The following CLSTN2 variants were observed in gnomAD, a reference collection of about 807,000 sequenced individuals.
CLSTN2 encodes the protein calsyntenin 2.
Under a neutral mutation model 101.2 loss-of-function variants are expected in CLSTN2, and 48 were observed. The ratio of observed to expected loss-of-function variants is 0.47; its 90% CI spans 0.38 to 0.60. The LOEUF (loss-of-function observed/expected upper bound fraction) is 0.60. Ranked by LOEUF, CLSTN2 falls within the 20% of genes least tolerant of loss-of-function variation. The probability of loss-of-function intolerance (pLI) is 0.00; values close to 1 mark genes in which losing one functional copy is unlikely to be tolerated. For missense variants in CLSTN2, 1,160 were observed against 1,238.2 expected (o/e 0.94, Z 0.95); for synonymous variants, 481 against 463.6 (o/e 1.04, Z -0.48).
chr3:140,530,069 C>T (rs1559895626), intron 8 of CLSTN2, among the ~76,000 whole-genome samples: 2 of 152,164 alleles, frequency 1.3e-5, no homozygotes, highest in African/African-American at 4.8e-5. Flanking sequence ...CCAGTAATTC[C>T]ATTTCCAGGA....
chr3:140,555,370 G>A (rs961537568), intron 10 of CLSTN2, among the ~76,000 whole-genome samples: 4 of 152,134 alleles, frequency 2.6e-5, no homozygotes, highest in African/African-American at 9.7e-5. Flanking sequence ...ATGTATAAGT[G>A]TCCCACGGGA....
At chr3:140,308,612 C>T (rs1345523298) in intron 2 of CLSTN2, among the ~76,000 whole-genome samples, 3 of 152,196 alleles carry the variant, frequency 2.0e-5, no homozygotes, top group Non-Finnish European at 4.4e-5. Context: ...GATTAGTTGG[C>T]CTTCCCCAAG....
chr3:140,127,928 T>G (rs537434022), intron 1 of CLSTN2, among the ~76,000 whole-genome samples: 1 of 152,286 alleles, frequency 6.6e-6, no homozygotes, highest in South Asian at 2.1e-4. Context: ...TAAATCTAAG[T>G]GCCATCCTTA....
At chr3:139,946,105 G>A (rs1404248826) in intron 1 of CLSTN2, among the ~76,000 whole-genome samples, 1 of 152,190 alleles carries the variant, frequency 6.6e-6, no homozygotes, top group East Asian at 1.9e-4. Flanking sequence ...AGTTGGAAGG[G>A]AGGAGAAATG....
At position 140,566,138 on chromosome 3, in the gene CLSTN2, G is replaced by T. The variant is rs770603742; in HGVS notation, c.2753G>T (p.Gly918Val). 1 of 1,611,768 alleles carries T rather than the reference G, an allele frequency of 6.2e-7. No individual in the cohort carries two copies. The highest frequency in any genetic ancestry group is 8.5e-7 in the Non-Finnish European group (1 of 1,177,934). ...EAEEEMSSSSGSDDSEEEEEE... is the reference protein window; with the variant it reads ...EAEEEMSSSSVSDDSEEEEEE... The stretch of plus-strand genomic sequence containing the variant: ...GAGGAAGAAATGAGCTCCAGCAGTG[G>T]CTCTGACGACAGCGAAGAGGAGGAG... Residue 918 changes from glycine to valine, a missense_variant, in exon 17 of 17, where the codon GGC (glycine) becomes GTC (valine). Coordinates refer to ENST00000458420, the MANE Select transcript of CLSTN2 (RefSeq NM_022131.3).
chr3:140,424,053 G>T (rs2088534951), intron 5 of CLSTN2, among the ~76,000 whole-genome samples: 1 of 152,208 alleles, frequency 6.6e-6, no homozygotes, highest in Non-Finnish European at 1.5e-5. Context: ...TTGTTTGAGT[G>T]TTCAATTTCC....
At chr3:140,244,884 A>G (rs901796514) in intron 2 of CLSTN2, among the ~76,000 whole-genome samples, 15 of 152,224 alleles carry the variant, frequency 9.9e-5, no homozygotes, top group Non-Finnish European at 1.9e-4. Flanking sequence ...TTAAAGTTCT[A>G]TAGCTTATTA....
Position 140,174,865 on chromosome 3 carries a change from T to G in CLSTN2, c.110-1086T>G, listed in dbSNP as rs142038403. Among the ~76,000 whole-genome samples the G allele has an allele frequency of 3.9e-3, 596 of 152,290 alleles. 3 individuals carry two copies. Among genetic ancestry groups the G allele is most frequent in the Non-Finnish European group, 5.5e-3 (373 of 68,026 alleles). ...GAGCCAAACCATATCACTGGGAATC[T>G]GGGAACAAAAACTTATTGTCTCACG... On this transcript the variant is annotated intron_variant, in intron 1 of 16. Coordinates refer to ENST00000458420, the MANE Select transcript of CLSTN2 (RefSeq NM_022131.3).
At chr3:140,034,565 C>A (rs767101428) in intron 1 of CLSTN2, among the ~76,000 whole-genome samples, 9 of 152,220 alleles carry the variant, frequency 5.9e-5, no homozygotes, top group Non-Finnish European at 1.0e-4. Flanking sequence ...CTGAGCCTGG[C>A]CTTACATGGC....
chr3:140,524,171 C>A (rs1935090072), intron 8 of CLSTN2, among the ~76,000 whole-genome samples: 1 of 152,190 alleles, frequency 6.6e-6, no homozygotes, highest in Admixed American at 6.5e-5. Flanking sequence ...CCAGGGATCA[C>A]AGGAGAGGGA....
At chr3:139,943,723 A>T (rs1183919383) in intron 1 of CLSTN2, among the ~76,000 whole-genome samples, 1 of 152,168 alleles carries the variant, frequency 6.6e-6, no homozygotes, top group East Asian at 1.9e-4. Context: ...ATCCCAAAGG[A>T]AATCAGCTCG....
chr3:140,039,019 G>C (rs995360836), intron 1 of CLSTN2, among the ~76,000 whole-genome samples: 14 of 152,106 alleles, frequency 9.2e-5, no homozygotes, highest in African/African-American at 2.7e-4. Context: ...CCAGATATCT[G>C]GTAAGGTTAG....
At position 140,076,625 on chromosome 3, in the gene CLSTN2, GTTTTTTTTTTTTTT is replaced by G. The variant is rs35645750; in HGVS notation, c.110-99311_110-99298del. The stretch of plus-strand genomic sequence containing the variant: ...CAATGACTCCCCTCTCACCAGCAGT[GTTTTTTTTTTTTTT>G]TTTTTTTTTTTTTTCCTAGCCTTCG... On this transcript the variant is annotated intron_variant, in intron 1 of 16. Transcript: ENST00000458420. 1.3e-3 allele frequency among the ~76,000 whole-genome samples: 50 copies of G among 38,082 alleles called. 3 individuals carry two copies. Among genetic ancestry groups the G allele is most frequent in the Admixed American group, 0.011 (25 of 2,338 alleles). 25.0% of individuals were successfully genotyped at this position (38,082 alleles called of 152,430 possible).
intron 1 of CLSTN2, among the ~76,000 whole-genome samples, chr3:139,944,502 G>A (rs985114257): frequency 6.6e-6 from 1 of 152,188 alleles, no homozygotes; most frequent in Non-Finnish European, 1.5e-5. Context: ...TTCCAGGTGG[G>A]GGCTGTGCTC....
intron 2 of CLSTN2, among the ~76,000 whole-genome samples, chr3:140,345,356 C>T (rs1031567982): frequency 6.6e-6 from 1 of 150,556 alleles, no homozygotes; most frequent in Non-Finnish European, 1.5e-5. Context: ...TCAAGCGATT[C>T]TCCTGCCTCA....
intron 2 of CLSTN2, among the ~76,000 whole-genome samples, chr3:140,226,063 A>G (rs1439243333): frequency 2.0e-5 from 3 of 152,366 alleles, no homozygotes; most frequent in South Asian, 4.1e-4. Flanking sequence ...CTGTTGATAT[A>G]TACAACCACC....
chr3:140,194,524 T>A (rs377437254), intron 2 of CLSTN2, among the ~76,000 whole-genome samples: 2 of 152,086 alleles, frequency 1.3e-5, no homozygotes, highest in Admixed American at 6.6e-5. Context: ...TCTACTGATT[T>A]AAAAAAAATC....
At chr3:140,032,625 C>G (rs1033493802) in intron 1 of CLSTN2, among the ~76,000 whole-genome samples, 6 of 152,140 alleles carry the variant, frequency 3.9e-5, no homozygotes, top group Non-Finnish European at 7.4e-5. Context: ...GCGTGTACCA[C>G]CATGCCCAGC....
At chr3:140,300,898 C>T in intron 2 of CLSTN2, among the ~76,000 whole-genome samples, 1 of 152,114 alleles carries the variant, frequency 6.6e-6, no homozygotes, top group East Asian at 1.9e-4. Context: ...TGTCTGCAAG[C>T]TGGAGACCCA....
Sources: allele counts gnomAD v4.1 joint callset (sites outside exome capture counted in the v4.1 genomes callset), GRCh38; gene constraint gnomAD v4.1.1; transcripts MANE v1.5; gene names NCBI Gene and HGNC (gene_info 2026-07-23, HGNC 2026-07-21).